The following LAMA2 variants were observed in gnomAD, a reference collection of about 807,000 sequenced individuals.
LAMA2 encodes the protein laminin subunit alpha-2.
A neutral mutation model predicts 364.8 loss-of-function variants in LAMA2; 269 were observed. The observed-to-expected ratio is 0.74, with a 90% CI of 0.67 to 0.82. The LOEUF (loss-of-function observed/expected upper bound fraction) is 0.82. Among genes scored for constraint, LAMA2 ranks in the 40% least tolerant of loss-of-function variants. The probability of loss-of-function intolerance (pLI) is 0.00; values close to 1 mark genes in which losing one functional copy is unlikely to be tolerated. For missense variants in LAMA2, 3,807 were observed against 3,873.2 expected (o/e 0.98, Z 0.45); for synonymous variants, 1,379 against 1,370.6 (o/e 1.01, Z -0.14).
chr6:129,491,052 G>A (rs1784835159), intron 56 of LAMA2: 1 of 152,148 alleles, frequency 6.6e-6, no homozygotes, highest in South Asian at 2.1e-4. Context: ...TTCCATCCAA[G>A]TACTCCGGTT....
intron 4 of LAMA2, among the ~76,000 whole-genome samples, chr6:129,119,259 ATGT>A (rs1481001760): frequency 9.2e-5 from 14 of 152,168 alleles, no homozygotes; most frequent in African/African-American, 3.1e-4. Context: ...TGTGTTTAAA[ATGT>A]TGTACATTTT....
chr6:129,098,056 A>G, intron 3 of LAMA2, 117 bp from the exon 4 acceptor site: 1 of 1,149,724 alleles, frequency 8.7e-7, no homozygotes, highest in Non-Finnish European at 1.3e-6. Flanking sequence ...AGAACATTAT[A>G]AGATTATAGA....
intron 1 of LAMA2, among the ~76,000 whole-genome samples, chr6:129,036,612 CAT>C (rs1193222632): frequency 1.3e-5 from 2 of 150,944 alleles, no homozygotes; most frequent in African/African-American, 2.4e-5. Flanking sequence ...AACAGAGAAA[CAT>C]GTACTACTTT....
At chr6:129,027,377 T>C (rs1485700008) in intron 1 of LAMA2, among the ~76,000 whole-genome samples, 1 of 152,082 alleles carries the variant, frequency 6.6e-6, no homozygotes, top group African/African-American at 2.4e-5. Flanking sequence ...GAGGTACACA[T>C]ACATATCTCT....
chr6:128,998,229 G>A (rs1413906043), intron 1 of LAMA2, among the ~76,000 whole-genome samples: 1 of 152,194 alleles, frequency 6.6e-6, no homozygotes, highest in Non-Finnish European at 1.5e-5. Context: ...CATTAATAAT[G>A]GCTGGAAGGT....
intron 12 of LAMA2, among the ~76,000 whole-genome samples, chr6:129,223,702 A>G (rs1221678176): frequency 1.3e-5 from 2 of 152,138 alleles, no homozygotes; most frequent in African/African-American, 2.4e-5. Flanking sequence ...ATTGATCTAC[A>G]TCTCTCTTTT....
intron 12 of LAMA2, among the ~76,000 whole-genome samples, chr6:129,229,125 A>T (rs1478805): frequency 3.9e-5 from 6 of 152,122 alleles, no homozygotes; most frequent in Non-Finnish European, 1.5e-5. Flanking sequence ...GACCTCATGA[A>T]GCTTACATTC....
chr6:129,438,314 C>T (rs1781934603), intron 41 of LAMA2, among the ~76,000 whole-genome samples: 1 of 151,704 alleles, frequency 6.6e-6, no homozygotes, highest in Non-Finnish European at 1.5e-5. Flanking sequence ...GGAGTGATAA[C>T]AAGAGGGCAT....
chr6:129,169,588 A>G (rs1391912489), intron 9 of LAMA2, among the ~76,000 whole-genome samples: 1 of 151,460 alleles, frequency 6.6e-6, no homozygotes, highest in African/African-American at 2.4e-5. Context: ...GGATTTTTGC[A>G]TCAATGTTCA....
chr6:129,148,664 C>A (rs1206674764), intron 6 of LAMA2, among the ~76,000 whole-genome samples: 3 of 152,028 alleles, frequency 2.0e-5, no homozygotes, highest in African/African-American at 4.8e-5. Flanking sequence ...AGCTAATCGA[C>A]CCCCAAAAAA....
At chr6:129,035,697 G>T (rs1327582251) in intron 1 of LAMA2, among the ~76,000 whole-genome samples, 1 of 151,838 alleles carries the variant, frequency 6.6e-6, no homozygotes, top group Non-Finnish European at 1.5e-5. Context: ...GACACATAGG[G>T]TCCAGTTTCA....
At chr6:129,514,286 C>T in intron 63 of LAMA2, 87 bp from the exon 64 acceptor site, 1 of 995,396 alleles carries the variant, frequency 1.0e-6, no homozygotes, top group Non-Finnish European at 1.6e-6. Flanking sequence ...GATGTCTTTC[C>T]TAGAGACCTG....
intron 19 of LAMA2, among the ~76,000 whole-genome samples, chr6:129,290,200 T>C (rs914261906): frequency 6.6e-6 from 1 of 152,192 alleles, no homozygotes; most frequent in Non-Finnish European, 1.5e-5. Flanking sequence ...CAAGAAAAAG[T>C]GACTCCTAAA....
At chr6:129,425,589 G>A (rs964663712) in intron 40 of LAMA2, among the ~76,000 whole-genome samples, 7 of 151,718 alleles carry the variant, frequency 4.6e-5, no homozygotes, top group African/African-American at 1.7e-4. Context: ...CCTCCCACTA[G>A]CTACCCTCAA....
chr6:129,059,284 A>G (rs1327625519), intron 2 of LAMA2, among the ~76,000 whole-genome samples: 1 of 152,200 alleles, frequency 6.6e-6, no homozygotes, highest in African/African-American at 2.4e-5. Context: ...TGTTAAAACC[A>G]GATATATATT....
chr6:129,005,167 G>T (rs2114682855), intron 1 of LAMA2, among the ~76,000 whole-genome samples: 1 of 151,796 alleles, frequency 6.6e-6, no homozygotes, highest in East Asian at 1.9e-4. Flanking sequence ...CTTTCCCAAA[G>T]CTTATTAGTT....
intron 1 of LAMA2, among the ~76,000 whole-genome samples, chr6:128,955,786 T>C (rs1562867379): frequency 6.6e-6 from 1 of 151,998 alleles, no homozygotes; most frequent in Admixed American, 6.6e-5. Context: ...ATCAAAGATT[T>C]AAAAGTTTTA....
rs1194331148 is a variant in LAMA2, at chr6:129,287,874, C to T, written c.2565C>T (p.Pro855=). 6.2e-7 allele frequency: 1 copy of T among 1,613,792 alleles called. No homozygotes were observed. Among genetic ancestry groups the T allele is most frequent in the Non-Finnish European group, 8.5e-7 (1 of 1,179,870 alleles). Residue 855 remains proline, a synonymous_variant, in exon 19 of 65, where the codon CCC becomes CCT. Coordinates refer to ENST00000421865, the MANE Select transcript of LAMA2 (RefSeq NM_000426.4). ...GTGCAGAAGGCTATTTTGGACAACC[C>T]TCTGTACCTGGAGGATCATGTCAGC... ...ERCAEGYFGQ[P]SVPGGSCQPC...
At chr6:129,210,402 GCA>G (rs57169956) in intron 12 of LAMA2, among the ~76,000 whole-genome samples, 58,473 of 149,878 alleles carry the variant, frequency 0.39, 14,076 homozygotes, top group African/African-American at 0.7. Context: ...GCATGTGCAC[GCA>G]CACACACACA....
Sources: gnomAD v4.1 joint callset for allele counts (sites outside exome capture counted in the v4.1 genomes callset) on GRCh38, gnomAD v4.1.1 for gene constraint, MANE v1.5 for transcripts, NCBI Gene and HGNC (gene_info 2026-07-23, HGNC 2026-07-21) for gene names.